The following MACROD1 variants were observed in gnomAD, a reference collection of about 807,000 sequenced individuals.
The protein encoded by MACROD1 is mono-ADP ribosylhydrolase 1, also known as ADP-ribose glycohydrolase MACROD1.
In MACROD1, 31 loss-of-function variants were observed where a neutral mutation model predicts 41.4. The ratio of observed to expected loss-of-function variants is 0.75; its 90% CI spans 0.56 to 1.01. The LOEUF is 1.01. Ranked by LOEUF, MACROD1 falls within the 50% of genes least tolerant of loss-of-function variation. The probability of loss-of-function intolerance (pLI) is 0.00; values close to 1 mark genes in which losing one functional copy is unlikely to be tolerated. For synonymous variants in MACROD1, 252 were observed against 203.4 expected (o/e 1.24, Z -2.03); for missense variants, 473 against 460.0 (o/e 1.03, Z -0.26).
In MACROD1 at chr11:64,139,284, C is replaced by T. The variant is rs370524071; in HGVS notation, c.517+11955G>A. ...CTGGCTTCCATCTCCTGACACCCGGCGCGGATATAAACAGCCGCGTCCCTG... is the reference window on the plus strand; with the variant it reads ...CTGGCTTCCATCTCCTGACACCCGGTGCGGATATAAACAGCCGCGTCCCTG... On this transcript the variant is annotated intron_variant, in intron 3 of 10. Coordinates refer to ENST00000255681, the MANE Select transcript of MACROD1 (RefSeq NM_014067.4). Among the ~76,000 whole-genome samples, 3 of 152,274 alleles carry T rather than the reference C, an allele frequency of 2.0e-5. No homozygotes were observed. In the East Asian group the frequency reaches 5.8e-4, roughly 29 times the overall value.
In MACROD1 at chr11:64,036,038, T is replaced by C. The variant is rs1270840524; in HGVS notation, c.518-20757A>G. 6.6e-6 allele frequency: 1 copy of C among 150,828 alleles called. No individual in the cohort carries two copies. Among genetic ancestry groups the C allele is most frequent in the Non-Finnish European group, 1.5e-5 (1 of 67,664 alleles). The allele number at this position is 150,828 out of a possible 1,614,324, so 9.3% of individuals were successfully genotyped here. A position where few individuals can be genotyped will look rare whatever the true frequency, so the allele number is the denominator to read the frequency against. ...CTCTGCCGCGCGCCGGGGGCTCCTCTCCCGGGCCCCCCTGGGCGCCCTCCG... is the reference window on the plus strand; with the variant it reads ...CTCTGCCGCGCGCCGGGGGCTCCTCCCCCGGGCCCCCCTGGGCGCCCTCCG... On this transcript the variant is annotated intron_variant, in intron 3 of 10. Coordinates refer to ENST00000255681, the MANE Select transcript of MACROD1 (RefSeq NM_014067.4). The surrounding 1 kb of genome is among the most constrained non-coding windows in gnomAD (Gnocchi z 5.6).
At chr11:64,055,721 G>A (rs1190939685) in intron 3 of MACROD1, among the ~76,000 whole-genome samples, 3 of 152,180 alleles carry the variant, frequency 2.0e-5, no homozygotes, top group African/African-American at 7.2e-5. Context: ...ATGGATGATG[G>A]GCCATGGGAG....
chr11:64,109,155 G>A (rs1456805664), intron 3 of MACROD1, among the ~76,000 whole-genome samples: 3 of 152,150 alleles, frequency 2.0e-5, no homozygotes, highest in African/African-American at 7.2e-5. Flanking sequence ...GGGATGGGGG[G>A]CTATTTCCTT....
chr11:64,118,246 G>A (rs1373510856), intron 3 of MACROD1: 1 of 1,605,208 alleles, frequency 6.2e-7, no homozygotes, highest in East Asian at 2.2e-5. Context: ...ACCACGCGGG[G>A]CTACCGGGAC....
chr11:64,117,456 A>G (rs1214982056), intron 3 of MACROD1: 1 of 1,612,930 alleles, frequency 6.2e-7, no homozygotes, highest in Non-Finnish European at 8.5e-7. Context: ...GACCACGGCC[A>G]GCAACCACGC....
At chr11:64,151,414 G>C (rs909592299) in intron 2 of MACROD1, 59 bp from the exon 3 acceptor site, 3 of 1,344,514 alleles carry the variant, frequency 2.2e-6, no homozygotes, top group Admixed American at 1.7e-5. Context: ...GAGGGACCCA[G>C]CCAGGGCCCA....
At chr11:64,138,739 T>C (rs1945367496) in intron 3 of MACROD1, among the ~76,000 whole-genome samples, 1 of 150,510 alleles carries the variant, frequency 6.6e-6, no homozygotes. Context: ...GGGCCACTTG[T>C]TGCCGCCAGG....
intron 3 of MACROD1, among the ~76,000 whole-genome samples, chr11:64,110,909 G>A (rs545556256): frequency 2.6e-5 from 4 of 152,258 alleles, no homozygotes; most frequent in African/African-American, 4.8e-5. Context: ...CCCAGGTCCC[G>A]CCCTACTTTC....
At position 64,022,570 on chromosome 11, in the gene MACROD1, A is replaced by G. The variant is rs140101519; in HGVS notation, c.518-7289T>C. 2.9e-3 allele frequency among the ~76,000 whole-genome samples: 438 copies of G among 152,276 alleles called. 1 individual carries two copies. The highest frequency in any genetic ancestry group is 9.9e-3 in the African/African-American group (412 of 41,540). ...GTGACTTGAGGGCGAGTCGTTTAAAACATGTTTTAGATTAGAAACACCCCG... is the reference window on the plus strand; with the variant it reads ...GTGACTTGAGGGCGAGTCGTTTAAAGCATGTTTTAGATTAGAAACACCCCG... On this transcript the variant is annotated intron_variant, in intron 3 of 10. Coordinates refer to ENST00000255681, the MANE Select transcript of MACROD1 (RefSeq NM_014067.4).
At chr11:64,119,591 C>A (rs372420122) in intron 3 of MACROD1, among the ~76,000 whole-genome samples, 2 of 151,842 alleles carry the variant, frequency 1.3e-5, no homozygotes, top group South Asian at 2.1e-4. Context: ...GAAAAAGACA[C>A]AAAAATTCTC....
intron 3 of MACROD1, among the ~76,000 whole-genome samples, chr11:64,135,670 A>AGG (rs1371090612): frequency 2.0e-5 from 3 of 152,238 alleles, no homozygotes; most frequent in Non-Finnish European, 4.4e-5. Context: ...GGAGTCCTCG[A>AGG]GGGGCCCCTT....
chr11:64,041,199 TAAAAAAAAAAAAAAAA>T (rs71045724), intron 3 of MACROD1, among the ~76,000 whole-genome samples: 4 of 21,600 alleles, frequency 1.9e-4, no homozygotes, highest in Non-Finnish European at 1.7e-4. Flanking sequence ...TAGCAAACTG[TAAAAAAAAAAAAAAAA>T]AAAAAAAAAA....
At chr11:64,015,326 C>G in intron 3 of MACROD1, 45 bp from the exon 4 acceptor site, 1 of 1,568,328 alleles carries the variant, frequency 6.4e-7, no homozygotes, top group Admixed American at 1.9e-5. Flanking sequence ...GAAGGGGCTG[C>G]GGCGGGAGTA....
chr11:64,134,755 T>A (rs1171113467), intron 3 of MACROD1, among the ~76,000 whole-genome samples: 4 of 152,234 alleles, frequency 2.6e-5, no homozygotes, highest in African/African-American at 4.8e-5. Context: ...ACTTGCGAAG[T>A]TCTGCATCTT....
chr11:64,161,135 C>T lies in MACROD1; in HGVS notation c.298+4562G>A, dbSNP rs548776542. 2.2e-4 allele frequency among the ~76,000 whole-genome samples: 33 copies of T among 152,254 alleles called. 1 individual carries two copies. In the South Asian group the frequency reaches 5.4e-3, roughly 25 times the overall value. ...GCAGTTAGCCAGGATCGTGCCACTA[C>T]ACTCCAGCCTGGGCGACAGAGCAAG... On this transcript the variant is annotated intron_variant, in intron 1 of 10. Transcript: ENST00000255681.
At chr11:63,999,453 T>C in intron 7 of MACROD1, 49 bp from the exon 8 acceptor site, 1 of 1,560,444 alleles carries the variant, frequency 6.4e-7, no homozygotes, top group Non-Finnish European at 8.7e-7. Flanking sequence ...CCCCGCCCAC[T>C]CCCCTGTCCG....
At chr11:64,143,067 T>C (rs993458626) in intron 3 of MACROD1, among the ~76,000 whole-genome samples, 1 of 135,308 alleles carries the variant, frequency 7.4e-6, no homozygotes, top group Non-Finnish European at 1.5e-5. Context: ...TGAGCCATGA[T>C]TGCACCACTG....
At position 63,998,709 on chromosome 11, in the gene MACROD1, AG is replaced by A. The variant is rs1942757778; in HGVS notation, c.*31-23del. ...GGGTCTGAGGGCAGAGCAGAGTCAGAGGTGTCTATGGGCGTCCCCGACCTCC... is the reference window on the plus strand; with the variant it reads ...GGGTCTGAGGGCAGAGCAGAGTCAGAGTGTCTATGGGCGTCCCCGACCTCC... On this transcript the variant is annotated intron_variant, in intron 10 of 10. Transcript: ENST00000255681. 2.9e-6 allele frequency: 4 copies of A among 1,393,740 alleles called. No individual in the cohort carries two copies. In the South Asian group the frequency reaches 6.7e-5, roughly 23 times the overall value. 86.3% of individuals were successfully genotyped at this position (1,393,740 alleles called of 1,614,324 possible). A position where few individuals can be genotyped will look rare whatever the true frequency, so the allele number is the denominator to read the frequency against.
intron 3 of MACROD1, among the ~76,000 whole-genome samples, chr11:64,143,958 G>A (rs111276622): frequency 0.018 from 2,735 of 152,106 alleles, 50 homozygotes; most frequent in South Asian, 0.12. Context: ...AACTGCACAC[G>A]GTATGAATGC....
Sources: gnomAD v4.1 joint callset for allele counts (sites outside exome capture counted in the v4.1 genomes callset) on GRCh38, gnomAD v4.1.1 for gene constraint, Gnocchi (gnomAD v3.1) non-coding constraint, MANE v1.5 for transcripts, NCBI Gene and HGNC (gene_info 2026-07-23, HGNC 2026-07-21) for gene names.